Variants in NACC2 observed in about 807,000 individuals in gnomAD.
The protein encoded by NACC2 is nucleus accumbens-associated protein 2.
A neutral mutation model predicts 25.1 loss-of-function variants in NACC2; 8 were observed. That is an observed-to-expected ratio of 0.32 (90% CI 0.19 to 0.57). The LOEUF (loss-of-function observed/expected upper bound fraction) is 0.57, where lower values mean the gene tolerates loss of function less well. NACC2 is among the 20% of genes least tolerant of loss of function. NACC2 has a pLI of 0.89. For missense variants in NACC2, 644 were observed against 650.2 expected, an observed-to-expected ratio of 0.99 and a Z score of 0.10; for synonymous variants, 435 against 294.7, an observed-to-expected ratio of 1.48 and a Z score of -4.88.
In NACC2 at chr9:136,050,117, G is replaced by C. The variant is rs1191153422; in HGVS notation, c.405C>G (p.Ile135Met). ...TCTGGGGCTCGGAGCCGGCGTCCTC[G>C]ATCACAGCGGTCTGCGAGTCGCAGT... ...SPHCDSQTAV[I>M]EDAGSEPQSP... Residue 135 changes from isoleucine (I) to methionine (M), a missense_variant, in exon 2 of 6, where the codon ATC becomes ATG. Physicochemically the swap from Ile to Met is conservative, Grantham distance 10. Transcript: ENST00000277554. 7 of 758,888 alleles carry C rather than the reference G, an allele frequency of 9.2e-6. No homozygotes were observed. Among genetic ancestry groups the C allele is most frequent in the Non-Finnish European group, 1.2e-5 (5 of 410,860 alleles). 47.0% of individuals were successfully genotyped at this position (758,888 alleles called of 1,614,324 possible). A position where few individuals can be genotyped will look rare whatever the true frequency, so the allele number is the denominator to read the frequency against.
Position 136,012,035 on chromosome 9 carries a change from G to A in NACC2, c.1256-11C>T, listed in dbSNP as rs763001327. 1.0e-5 allele frequency: 16 copies of A among 1,526,950 alleles called. No individual in the cohort carries two copies. Among genetic ancestry groups the A allele is most frequent in the Middle Eastern group, 3.4e-4 (2 of 5,846 alleles). The allele number at this position is 1,526,950 out of a possible 1,614,324, so 94.6% of individuals were successfully genotyped here. On this transcript the variant is annotated splice_polypyrimidine_tract_variant and intron_variant, in intron 5 of 5. Transcript: ENST00000277554. ...AGTTCTGACAGTACACTGTGAGGAC[G>A]GGGCGGCGTGAGCTCAGCCACCTGC...
At chr9:136,056,449 C>T (rs866156242) in intron 1 of NACC2, among the ~76,000 whole-genome samples, 3 of 152,210 alleles carry the variant, frequency 2.0e-5, no homozygotes, top group Admixed American at 1.3e-4. Context: ...CGGGAGGCAG[C>T]GGGGCCAGGC....
Position 136,084,846 on chromosome 9 carries a change from C to G in NACC2, c.-60+10343G>C, listed in dbSNP as rs538219411. On this transcript the variant is annotated intron_variant, in intron 1 of 5. Coordinates refer to ENST00000277554, the MANE Select transcript of NACC2 (RefSeq NM_144653.5). The surrounding 1 kb of genome is among the most constrained non-coding windows in gnomAD (Gnocchi z 5.1). ...ATGAGCCAGTCACACGAGGACACCC[C>G]CTGTGGGACTCCACTCACATGCAGT... Among the ~76,000 whole-genome samples, 5 of 152,320 alleles carry G rather than the reference C, an allele frequency of 3.3e-5. No individual in the cohort carries two copies. The highest frequency in any genetic ancestry group is 1.2e-4 in the African/African-American group (5 of 41,574).
rs1036368173 is a variant in NACC2 at position 136,052,801 on chromosome 9, G to A, written c.-59-2221C>T. ...TGCGGCCACACAGGCTGCACCTCCT[G>A]CCCAAGGGGGTCTGCAGCGTCTGGC... On this transcript the variant is annotated intron_variant, in intron 1 of 5. Coordinates refer to ENST00000277554, the MANE Select transcript of NACC2 (RefSeq NM_144653.5). Among the ~76,000 whole-genome samples, 4 of 152,366 alleles carry A rather than the reference G, an allele frequency of 2.6e-5. No homozygotes were observed. In the East Asian group the frequency reaches 7.7e-4, roughly 29 times the overall value.
chr9:136,063,751 T>C (rs1362067126), intron 1 of NACC2, among the ~76,000 whole-genome samples: 1 of 151,794 alleles, frequency 6.6e-6, no homozygotes, highest in Non-Finnish European at 1.5e-5. Context: ...GGTGTGGTGG[T>C]GGGCGCCTAT....
rs890892480 is a variant in NACC2 at position 136,013,563 on chromosome 9, C to T, written c.1158-267G>A. On this transcript the variant is annotated intron_variant, in intron 4 of 5. Coordinates refer to ENST00000277554, the MANE Select transcript of NACC2 (RefSeq NM_144653.5). The surrounding 1 kb of genome is among the most constrained non-coding windows in gnomAD (Gnocchi z 6.6). Reference sequence around the variant, plus strand: ...GGACTCCGGGGACGTCTGAGGAAGCCGCTGTGTCCTCGGGAAGGGTTCTGT... The same window carrying T: ...GGACTCCGGGGACGTCTGAGGAAGCTGCTGTGTCCTCGGGAAGGGTTCTGT... 8.5e-5 allele frequency among the ~76,000 whole-genome samples: 13 copies of T among 152,188 alleles called. No homozygotes were observed. Among genetic ancestry groups the T allele is most frequent in the African/African-American group, 2.9e-4 (12 of 41,440 alleles).
intron 1 of NACC2, among the ~76,000 whole-genome samples, chr9:136,056,287 T>C (rs1840923319): frequency 6.6e-6 from 1 of 152,198 alleles, no homozygotes; most frequent in Non-Finnish European, 1.5e-5. Context: ...ACCAGCTCCA[T>C]GCAGATGAGA....
intron 1 of NACC2, among the ~76,000 whole-genome samples, chr9:136,073,699 G>T (rs540709623): frequency 1.0e-3 from 155 of 152,332 alleles, no homozygotes; most frequent in African/African-American, 3.6e-3. Flanking sequence ...TGGAAATAAG[G>T]AGTATGAAAA....
intron 1 of NACC2, among the ~76,000 whole-genome samples, chr9:136,076,134 C>T (rs1317587936): frequency 6.6e-6 from 1 of 152,204 alleles, no homozygotes; most frequent in African/African-American, 2.4e-5. Context: ...GTAGTGATGA[C>T]ACCCCATACC....
intron 1 of NACC2, among the ~76,000 whole-genome samples, chr9:136,070,810 A>G (rs1443579426): frequency 6.6e-6 from 1 of 151,890 alleles, no homozygotes; most frequent in Non-Finnish European, 1.5e-5. Flanking sequence ...GAAAAGATCA[A>G]TAAAGTTGAC....
intron 2 of NACC2, among the ~76,000 whole-genome samples, chr9:136,041,597 G>T (rs907010649): frequency 5.9e-5 from 9 of 152,112 alleles, no homozygotes; most frequent in African/African-American, 2.2e-4. Flanking sequence ...AGGGCTGAAG[G>T]GAATACGGGG....
At chr9:136,075,059 C>T (rs986135633) in intron 1 of NACC2, among the ~76,000 whole-genome samples, 1 of 152,210 alleles carries the variant, frequency 6.6e-6, no homozygotes, top group Non-Finnish European at 1.5e-5. Flanking sequence ...TCCTCCAGGC[C>T]GACGCTCTTG....
chr9:136,052,527 G>T (rs1840861702), intron 1 of NACC2, among the ~76,000 whole-genome samples: 2 of 152,202 alleles, frequency 1.3e-5, no homozygotes, highest in Admixed American at 6.5e-5. Context: ...GCACAGAAAC[G>T]GCAGGCAGTG....
chr9:136,018,009 C>A lies in NACC2; in HGVS notation c.887-1580G>T, dbSNP rs1488961366. On this transcript the variant is annotated intron_variant, in intron 2 of 5. Transcript: ENST00000277554. The surrounding 1 kb of genome is among the most constrained non-coding windows in gnomAD (Gnocchi z 4.4). ...CGGCAGCCTCAGTGTGATGGGAAGT[C>A]CCCCGGTGGGGGGCGGGGGGCAGCT... Among the ~76,000 whole-genome samples the A allele has an allele frequency of 6.6e-6, 1 of 152,282 alleles. No homozygotes were observed. Among genetic ancestry groups the A allele is most frequent in the Non-Finnish European group, 1.5e-5 (1 of 67,992 alleles).
chr9:136,028,375 C>T (rs944242526), intron 2 of NACC2, among the ~76,000 whole-genome samples: 1 of 120,876 alleles, frequency 8.3e-6, no homozygotes, highest in African/African-American at 3.3e-5. Flanking sequence ...GCCTTTGCTT[C>T]CTTTTTTTTT....
In NACC2 at chr9:136,022,381, G is replaced by C. The variant is rs966950897; in HGVS notation, c.887-5952C>G. On this transcript the variant is annotated intron_variant, in intron 2 of 5. Transcript: ENST00000277554. The surrounding 1 kb of genome is among the most constrained non-coding windows in gnomAD (Gnocchi z 4.4). ...TGGACTCAACACCCTCCTGCCCGAT[G>C]CCCAGCAAGGCTGGGACCACAACTT... Among the ~76,000 whole-genome samples the C allele has an allele frequency of 1.3e-5, 2 of 152,222 alleles. No homozygotes were observed. The highest frequency in any genetic ancestry group is 4.8e-5 in the African/African-American group (2 of 41,454).
intron 1 of NACC2, among the ~76,000 whole-genome samples, chr9:136,073,506 T>C (rs1830222280): frequency 6.6e-6 from 1 of 151,934 alleles, no homozygotes; most frequent in Admixed American, 6.6e-5. Flanking sequence ...TGAGCGTGGA[T>C]CCAGCTGTAT....
intron 1 of NACC2, among the ~76,000 whole-genome samples, chr9:136,087,183 A>G (rs1830387901): frequency 6.6e-6 from 1 of 152,204 alleles, no homozygotes; most frequent in South Asian, 2.1e-4. Flanking sequence ...GCGGCATGTG[A>G]CAAAGTCTCC....
chr9:136,067,712 G>A (rs1035098495), intron 1 of NACC2, among the ~76,000 whole-genome samples: 3 of 152,218 alleles, frequency 2.0e-5, no homozygotes, highest in African/African-American at 7.2e-5. Flanking sequence ...GCGGGCACCT[G>A]TAGTCCCAGC....
Sources: allele counts gnomAD v4.1 joint callset (sites outside exome capture counted in the v4.1 genomes callset), GRCh38; gene constraint gnomAD v4.1.1; non-coding constraint Gnocchi (gnomAD v3.1); transcripts MANE v1.5; gene names NCBI Gene and HGNC (gene_info 2026-07-23, HGNC 2026-07-21).